Variants in PRKCI observed in about 807,000 individuals in gnomAD.
PRKCI encodes protein kinase C iota.
Under a neutral mutation model 84.0 loss-of-function variants are expected in PRKCI, and 43 were observed. The observed-to-expected ratio is 0.51, with a 90% CI of 0.40 to 0.66. The LOEUF (loss-of-function observed/expected upper bound fraction) is 0.66. Ranked by LOEUF, PRKCI falls within the 30% of genes least tolerant of loss-of-function variation. The pLI is 0.00. For missense variants in PRKCI, 459 were observed against 745.6 expected (o/e 0.62, Z 4.48); for synonymous variants, 216 against 234.4 (o/e 0.92, Z 0.72).
chr3:170,235,310 A>T lies in PRKCI; in HGVS notation c.182A>T (p.Asp61Val). The part of the protein sequence containing the change: ...CNEVRDMCSF[D>V]NEQLFTMKWI... ...GAGGTTCGAGACATGTGTTCTTTTG[A>T]CAACGAACAGCTCTTCACCATGAAA... Residue 61 changes from aspartate to valine, a missense_variant, in exon 2 of 18, where the codon GAC (aspartate) becomes GTC (valine). Asp to Val is a radical substitution (Grantham distance 152). Coordinates refer to ENST00000295797, the MANE Select transcript of PRKCI (RefSeq NM_002740.6). 6.2e-7 allele frequency: 1 copy of T among 1,614,088 alleles called. No homozygotes were observed. The highest frequency in any genetic ancestry group is 8.5e-7 in the Non-Finnish European group (1 of 1,179,980).
At chr3:170,282,169 A>G (rs1734264275) in intron 11 of PRKCI, among the ~76,000 whole-genome samples, 1 of 152,240 alleles carries the variant, frequency 6.6e-6, no homozygotes, top group Non-Finnish European at 1.5e-5. Flanking sequence ...ATACACATAC[A>G]TGTACATACA....
intron 1 of PRKCI, among the ~76,000 whole-genome samples, chr3:170,223,508 C>T (rs1560163115): frequency 2.0e-5 from 3 of 152,326 alleles, no homozygotes; most frequent in African/African-American, 7.2e-5. Context: ...CTGATCTTCA[C>T]TCCCTTACTA....
chr3:170,231,622 A>C (rs1407674406), intron 1 of PRKCI, among the ~76,000 whole-genome samples: 1 of 151,478 alleles, frequency 6.6e-6, no homozygotes, highest in African/African-American at 2.4e-5. Flanking sequence ...GCACCACCAC[A>C]CCTGGCTAAT....
At position 170,281,165 on chromosome 3, in the gene PRKCI, G is replaced by A; in HGVS notation, c.883-1G>A. 5 of 1,610,126 alleles carry A rather than the reference G, an allele frequency of 3.1e-6. No homozygotes were observed. The highest frequency in any genetic ancestry group is 4.2e-6 in the Non-Finnish European group (5 of 1,177,400). ...TAGATTTCTTACATGTTTCAAAATA[G>A]GATATTGATTGGGTACAGACAGAGA... On this transcript the variant is annotated splice_acceptor_variant, in intron 9 of 17. Transcript: ENST00000295797. LOFTEE classifies it high-confidence loss of function.
At chr3:170,234,523 A>T (rs939778188) in intron 1 of PRKCI, among the ~76,000 whole-genome samples, 3 of 152,136 alleles carry the variant, frequency 2.0e-5, no homozygotes, top group African/African-American at 7.2e-5. Flanking sequence ...AGTGTAACTA[A>T]TTTTTTCCCT....
chr3:170,286,760 A>C (rs903483711), intron 12 of PRKCI, among the ~76,000 whole-genome samples: 1 of 151,656 alleles, frequency 6.6e-6, no homozygotes. Flanking sequence ...TTTATGATCA[A>C]TATTATAAAG....
In PRKCI at chr3:170,275,245, T is replaced by C; in HGVS notation, c.663T>C (p.Pro221=). The C allele has an allele frequency of 6.3e-7, 1 of 1,590,020 alleles. No individual in the cohort carries two copies. Among genetic ancestry groups the C allele is most frequent in the East Asian group, 2.3e-5 (1 of 44,054 alleles). ...DHAQTVIPYN[P]SSHESLDQVG... ...GGTTTTTAGTAATTCCATATAATCC[T>C]TCAAGTCATGAGAGTTTGGATCAAG... The change falls in exon 8 of 18, where the codon CCT becomes CCC. Residue 221 remains proline (P), a synonymous_variant. Coordinates refer to ENST00000295797, the MANE Select transcript of PRKCI (RefSeq NM_002740.6).
intron 2 of PRKCI, among the ~76,000 whole-genome samples, chr3:170,250,405 A>C (rs1733411133): frequency 1.3e-5 from 2 of 148,548 alleles, no homozygotes; most frequent in Admixed American, 6.8e-5. Context: ...TGTTATCACC[A>C]TCAATTATAG....
intron 2 of PRKCI, among the ~76,000 whole-genome samples, chr3:170,242,902 G>T (rs140226107): frequency 6.6e-6 from 1 of 151,840 alleles, no homozygotes; most frequent in East Asian, 1.9e-4. Flanking sequence ...AACTCCAGAC[G>T]TCAGGTGATC....
intron 4 of PRKCI, among the ~76,000 whole-genome samples, chr3:170,264,242 T>C (rs182117011): frequency 2.1e-4 from 32 of 152,042 alleles, no homozygotes; most frequent in African/African-American, 7.2e-4. Flanking sequence ...TTTTTTTTTT[T>C]CTGCAGTGTT....
chr3:170,282,565 C>T (rs184856047), intron 11 of PRKCI, among the ~76,000 whole-genome samples: 10 of 151,534 alleles, frequency 6.6e-5, no homozygotes, highest in East Asian at 2.0e-4. Flanking sequence ...GTCGTGGTGG[C>T]GGGTGCCTGT....
intron 1 of PRKCI, among the ~76,000 whole-genome samples, chr3:170,226,661 A>C (rs1732634693): frequency 2.0e-5 from 3 of 152,328 alleles, no homozygotes; most frequent in Non-Finnish European, 4.4e-5. Context: ...GCTTCAGTGA[A>C]GAAGTATGTA....
intron 15 of PRKCI, 152 bp downstream of exon 15, chr3:170,296,142 A>C (rs773371885): frequency 2.6e-5 from 11 of 428,416 alleles, no homozygotes; most frequent in Non-Finnish European, 4.2e-5. Context: ...CCAAAGAGTA[A>C]TTGACAGCAT....
intron 11 of PRKCI, among the ~76,000 whole-genome samples, chr3:170,282,889 G>A (rs1734287004): frequency 6.6e-6 from 1 of 151,860 alleles, no homozygotes; most frequent in Non-Finnish European, 1.5e-5. Flanking sequence ...GGTGGATCAT[G>A]AGGTCAAGAA....
Position 170,263,384 on chromosome 3 carries a change from C to T in PRKCI, c.319C>T (p.Pro107Ser). The T allele has an allele frequency of 1.2e-6, 2 of 1,600,052 alleles. No individual in the cohort carries two copies. The highest frequency in any genetic ancestry group is 1.7e-6 in the Non-Finnish European group (2 of 1,167,770). Residue 107 changes from proline to serine, a missense_variant, in exon 4 of 18, where the codon CCT (proline) becomes TCT (serine). Pro to Ser is a moderately conservative substitution (Grantham distance 74). Coordinates refer to ENST00000295797, the MANE Select transcript of PRKCI (RefSeq NM_002740.6). The part of the protein sequence containing the change: ...KDSELLIHVF[P>S]CVPERPGMPC... ...GTTCGTTTATTTTCTTTCAGTGTTC[C>T]CTTGTGTACCAGAACGTCCTGGGAT...
intron 2 of PRKCI, among the ~76,000 whole-genome samples, chr3:170,246,718 G>A (rs932155747): frequency 6.6e-6 from 1 of 152,112 alleles, no homozygotes; most frequent in Non-Finnish European, 1.5e-5. Context: ...CAGTTCAGTG[G>A]TATAAGCACA....
chr3:170,288,829 C>G (rs1391842651), intron 12 of PRKCI, among the ~76,000 whole-genome samples: 1 of 152,136 alleles, frequency 6.6e-6, no homozygotes, highest in Non-Finnish European at 1.5e-5. Context: ...TTTGAATGCT[C>G]TTTTATGACT....
chr3:170,268,023 CGATA>C (rs1381977155), intron 5 of PRKCI, 23 bp downstream of exon 5: 7 of 1,569,012 alleles, frequency 4.5e-6, no homozygotes, highest in Non-Finnish European at 6.1e-6. Flanking sequence ...TGTTGAATGT[CGATA>C]ATGTGAAACA....
chr3:170,246,842 C>T (rs1733300719), intron 2 of PRKCI, among the ~76,000 whole-genome samples: 1 of 152,036 alleles, frequency 6.6e-6, no homozygotes, highest in South Asian at 2.1e-4. Flanking sequence ...TTTTGCAGTC[C>T]CTAGTAACCT....
Sources: allele counts gnomAD v4.1 joint callset (sites outside exome capture counted in the v4.1 genomes callset), GRCh38; gene constraint gnomAD v4.1.1; transcripts MANE v1.5; gene names NCBI Gene and HGNC (gene_info 2026-07-23, HGNC 2026-07-21).